ANK3: variants seen among roughly 807,000 people sequenced by gnomAD.
ANK3 encodes ankyrin 3.
Under a neutral mutation model 370.9 loss-of-function variants are expected in ANK3, and 57 were observed. The ratio of observed to expected loss-of-function variants is 0.15; its 90% CI spans 0.12 to 0.19. The LOEUF (loss-of-function observed/expected upper bound fraction) is 0.19. ANK3 is among the 10% of genes least tolerant of loss of function. The pLI is 1.00. For missense variants in ANK3, 4,439 were observed against 5,302.1 expected (o/e 0.84, Z 5.06); for synonymous variants, 1,929 against 1,946.3 (o/e 0.99, Z 0.23).
chr10:60,671,769 A>T (rs527773383), intron 1 of ANK3, among the ~76,000 whole-genome samples: 1 of 152,352 alleles, frequency 6.6e-6, no homozygotes, highest in South Asian at 2.1e-4. Flanking sequence ...TCCAGCAGCC[A>T]TGTTGTGAGG....
chr10:60,405,951 C>T (rs2063447417), intron 2 of ANK3, among the ~76,000 whole-genome samples: 1 of 152,100 alleles, frequency 6.6e-6, no homozygotes, highest in Non-Finnish European at 1.5e-5. Flanking sequence ...ATGGTAGACC[C>T]TTTTTCAGTT....
chr10:60,298,609 T>C (rs1021704894), intron 1 of ANK3, among the ~76,000 whole-genome samples: 1 of 152,190 alleles, frequency 6.6e-6, no homozygotes, highest in African/African-American at 2.4e-5. Flanking sequence ...TCTGTCATTT[T>C]ATTACACGTT....
intron 41 of ANK3, among the ~76,000 whole-genome samples, chr10:60,058,252 C>A (rs536051610): frequency 6.6e-6 from 1 of 152,300 alleles, no homozygotes; most frequent in South Asian, 2.1e-4. Flanking sequence ...TCCCAAATCA[C>A]AAACTACATT....
chr10:60,452,122 C>CTA (rs375222102), intron 2 of ANK3, among the ~76,000 whole-genome samples: 70 of 152,326 alleles, frequency 4.6e-4, no homozygotes, highest in African/African-American at 1.6e-3. Context: ...CCCCATGACC[C>CTA]TAGGGGTAAG....
At chr10:60,119,492 G>A (rs559938421) in intron 25 of ANK3, among the ~76,000 whole-genome samples, 12 of 152,290 alleles carry the variant, frequency 7.9e-5, no homozygotes, top group Middle Eastern at 3.4e-3. Context: ...GGCCAGGTGC[G>A]GTGGTGGCTC....
At chr10:60,446,495 A>T (rs1284150303) in intron 2 of ANK3, among the ~76,000 whole-genome samples, 1 of 152,318 alleles carries the variant, frequency 6.6e-6, no homozygotes, top group East Asian at 1.9e-4. Flanking sequence ...TTACAGATGA[A>T]TTAGAGGTTT....
At chr10:60,118,291 T>C (rs2093244440) in intron 25 of ANK3, among the ~76,000 whole-genome samples, 2 of 152,332 alleles carry the variant, frequency 1.3e-5, no homozygotes, top group Admixed American at 1.3e-4. Flanking sequence ...AAAATAGCCC[T>C]GAAGTCAAAT....
Position 60,491,308 on chromosome 10 carries a change from G to A in ANK3, c.96+123878C>T, listed in dbSNP as rs1343760285. ...CATATAAAGTGAGGGATCGACCTAG[G>A]TGAGTTATTGTCTTGCATAAATCAA... On this transcript the variant is annotated intron_variant, in intron 2 of 43. Coordinates refer to the ANK3 transcript ENST00000373827. Among the ~76,000 whole-genome samples, 10 of 152,290 alleles carry A rather than the reference G, an allele frequency of 6.6e-5. No individual in the cohort carries two copies. In the South Asian group the frequency reaches 2.1e-3, roughly 32 times the overall value.
At chr10:60,596,588 T>C (rs1342164060) in intron 2 of ANK3, among the ~76,000 whole-genome samples, 1 of 152,204 alleles carries the variant, frequency 6.6e-6, no homozygotes, top group African/African-American at 2.4e-5. Flanking sequence ...GATAGATTTG[T>C]CCACTGGATA....
At chr10:60,343,825 C>G (rs1370809508) in intron 1 of ANK3, among the ~76,000 whole-genome samples, 1 of 152,224 alleles carries the variant, frequency 6.6e-6, no homozygotes, top group East Asian at 1.9e-4. Context: ...TGTGGAAACA[C>G]TGCTGGACCC....
At chr10:60,715,284 G>T (rs113542879) in intron 1 of ANK3, among the ~76,000 whole-genome samples, 5 of 151,088 alleles carry the variant, frequency 3.3e-5, no homozygotes, top group African/African-American at 9.7e-5. Flanking sequence ...AGCAAACACG[G>T]TGTTTGATTT....
chr10:60,732,628 A>C (rs1241098769), intron 1 of ANK3, among the ~76,000 whole-genome samples: 1 of 152,156 alleles, frequency 6.6e-6, no homozygotes, highest in African/African-American at 2.4e-5. Context: ...TTCTGTCTCA[A>C]TCTATGAAGT....
chr10:60,130,416 TGAG>T (rs758475184), intron 25 of ANK3, among the ~76,000 whole-genome samples: 3 of 152,220 alleles, frequency 2.0e-5, no homozygotes, highest in Non-Finnish European at 4.4e-5. Flanking sequence ...GAGAAGTGTA[TGAG>T]AGTTCATTTT....
chr10:60,190,929 C>T (rs2096465850), intron 16 of ANK3, among the ~76,000 whole-genome samples: 1 of 152,056 alleles, frequency 6.6e-6, no homozygotes, highest in Non-Finnish European at 1.5e-5. Flanking sequence ...CAAGAAAAGC[C>T]ACATTCCTCC....
In ANK3 at chr10:60,704,291, C is replaced by T. The variant is rs116477765; in HGVS notation, c.57+28972G>A. ...AGTACAGTGTTTTTTAATCATTTCA[C>T]ATCCATATCAGTTTTATTTCTCTTT... is the stretch of plus-strand genomic sequence containing the variant. On this transcript the variant is annotated intron_variant, in intron 1 of 43. Coordinates refer to the ANK3 transcript ENST00000373827. 2.4e-3 allele frequency among the ~76,000 whole-genome samples: 373 copies of T among 152,270 alleles called. 1 individual carries two copies. Among genetic ancestry groups the T allele is most frequent in the African/African-American group, 8.7e-3 (361 of 41,570 alleles).
intron 1 of ANK3, among the ~76,000 whole-genome samples, chr10:60,303,277 G>A (rs1232382730): frequency 6.6e-6 from 1 of 152,022 alleles, no homozygotes; most frequent in Non-Finnish European, 1.5e-5. Flanking sequence ...CAGCAACTTA[G>A]GATTCAGAAA....
chr10:60,083,759 G>C, intron 32 of ANK3, 142 bp from the exon 33 acceptor site: 1 of 666,952 alleles, frequency 1.5e-6, no homozygotes, highest in African/African-American at 1.9e-5. Context: ...GGTGCTATTT[G>C]CAACAAAAAT....
chr10:60,381,878 GA>G (rs2061597956), intron 1 of ANK3, among the ~76,000 whole-genome samples: 1 of 152,086 alleles, frequency 6.6e-6, no homozygotes, highest in Non-Finnish European at 1.5e-5. Flanking sequence ...AACTCACATT[GA>G]GCCTCAAGGC....
At chr10:60,381,190 G>T (rs953881323) in intron 1 of ANK3, among the ~76,000 whole-genome samples, 14 of 151,944 alleles carry the variant, frequency 9.2e-5, no homozygotes, top group Non-Finnish European at 1.6e-4. Flanking sequence ...ATATAATGAA[G>T]ATTTCTTCAT....
Sources: gnomAD v4.1 joint callset for allele counts (sites outside exome capture counted in the v4.1 genomes callset) on GRCh38, gnomAD v4.1.1 for gene constraint, MANE v1.5 for transcripts, NCBI Gene and HGNC (gene_info 2026-07-23, HGNC 2026-07-21) for gene names.